Variants in BMP1 observed in about 807,000 individuals in gnomAD.
BMP1 encodes the protein bone morphogenetic protein 1.
In BMP1, 63 loss-of-function variants were observed where a neutral mutation model predicts 116.8. That is an observed-to-expected ratio of 0.54 (90% CI 0.44 to 0.67). The LOEUF (loss-of-function observed/expected upper bound fraction) is 0.67. Among genes scored for constraint, BMP1 ranks in the 30% least tolerant of loss-of-function variants. The probability of loss-of-function intolerance (pLI) is 0.00; values close to 1 mark genes in which losing one functional copy is unlikely to be tolerated. For synonymous variants in BMP1, 536 were observed against 533.4 expected, an observed-to-expected ratio of 1.00 and a Z score of -0.07; for missense variants, 1,183 against 1,358.9, an observed-to-expected ratio of 0.87 and a Z score of 2.04.
chr8:22,196,766 A>G lies in BMP1; in HGVS notation c.1852A>G (p.Ile618Val), dbSNP rs935362770. 5 of 1,613,774 alleles carry G rather than the reference A, an allele frequency of 3.1e-6. No homozygotes were observed. The African/African-American group carries it at 6.7e-5, about 22-fold the overall frequency. Residue 618 changes from isoleucine to valine, a missense_variant, in exon 14 of 20, where the codon ATC (isoleucine) becomes GTC (valine). Physicochemically the swap from Ile to Val is conservative, Grantham distance 29. Transcript: ENST00000306385. ...PKEYPPNKNC[I>V]WQLVAPTQYR... ...GGAGTACCCCCCCAACAAGAACTGC[A>G]TCTGGCAGCTGGTGGCCCCCACCCA...
In BMP1 at chr8:22,177,952, C is replaced by A. The variant is rs1828500771; in HGVS notation, c.831C>A (p.Phe277Leu). ...TCATGCATTACGCTCGGAACACATT[C>A]TCCAGGTGGGAGACGGGATTGGGGC... ...DSIMHYARNT[F>L]SRGIFLDTIV... The change falls in exon 6 of 20, where the codon TTC (phenylalanine) becomes TTA (leucine). Residue 277 changes from phenylalanine (F) to leucine (L), a missense_variant. Phe to Leu is a conservative substitution (Grantham distance 22). Transcript: ENST00000306385. The A allele has an allele frequency of 6.2e-7, 1 of 1,607,752 alleles. No individual in the cohort carries two copies. Among genetic ancestry groups the A allele is most frequent in the Non-Finnish European group, 8.5e-7 (1 of 1,175,156 alleles).
rs756220140 is a variant in BMP1 at position 22,165,480 on chromosome 8, G to T, written c.75G>T (p.Leu25Phe). Residue 25 changes from leucine to phenylalanine, a missense_variant, in exon 1 of 20, where the codon TTG (leucine) becomes TTT (phenylalanine). Leu to Phe is a conservative substitution (Grantham distance 22). This residue lies in a region of BMP1 where 185 missense variants were observed against 158.9 expected (regional missense o/e 1.16). Coordinates refer to ENST00000306385, the MANE Select transcript of BMP1 (RefSeq NM_006129.5). Reference protein sequence around the residue: ...LLPRPGRPLDLADYTYDLAEE... With the variant: ...LLPRPGRPLDFADYTYDLAEE... ...CGCGTCCCGGCCGGCCGCTGGACTT[G>T]GCCGACTACACCTATGACCTGGCGG... 3.8e-6 allele frequency: 6 copies of T among 1,588,180 alleles called. No homozygotes were observed. Among genetic ancestry groups the T allele is most frequent in the Non-Finnish European group, 5.1e-6 (6 of 1,170,164 alleles).
At chr8:22,206,706 A>G (rs918517059) in intron 16 of BMP1, 148 bp from the exon 17 acceptor site, 2 of 1,242,442 alleles carry the variant, frequency 1.6e-6, no homozygotes, top group Non-Finnish European at 2.2e-6. Context: ...CCTCATGAAA[A>G]AGAAACGATG....
chr8:22,165,399 C>T lies in BMP1; in HGVS notation c.-7C>T. On this transcript the variant is annotated 5_prime_UTR_variant, in exon 1 of 20. Coordinates refer to ENST00000306385, the MANE Select transcript of BMP1 (RefSeq NM_006129.5). ...TGCGCCGCTTCCCTCGCCGCCGCCC[C>T]GCCAGCATGCCCGGCGTGGCCCGCC... The T allele has an allele frequency of 6.8e-7, 1 of 1,470,166 alleles. No homozygotes were observed. Among genetic ancestry groups the T allele is most frequent in the Admixed American group, 3.0e-5 (1 of 33,892 alleles). 91.1% of individuals were successfully genotyped at this position (1,470,166 alleles called of 1,614,324 possible).
chr8:22,176,429 CT>C, intron 3 of BMP1, 103 bp from the exon 4 acceptor site: 1 of 1,551,696 alleles, frequency 6.4e-7, no homozygotes, highest in Non-Finnish European at 8.8e-7. Context: ...CCACACATTC[CT>C]TTCCAGGCAG....
At chr8:22,174,400 T>G (rs1001603658) in intron 2 of BMP1, among the ~76,000 whole-genome samples, 2 of 152,162 alleles carry the variant, frequency 1.3e-5, no homozygotes, top group Non-Finnish European at 2.9e-5. Context: ...TATCCTTGAT[T>G]GTGGTCCAAA....
chr8:22,188,341 A>T (rs762356709), intron 8 of BMP1, among the ~76,000 whole-genome samples: 2 of 151,920 alleles, frequency 1.3e-5, no homozygotes, highest in South Asian at 2.1e-4. Context: ...GCAAATTTTT[A>T]AATTTTTTTG....
intron 13 of BMP1, chr8:22,196,127 G>A: frequency 2.0e-6 from 1 of 502,202 alleles, no homozygotes; most frequent in Admixed American, 2.0e-5. Flanking sequence ...GTGTTTTCGG[G>A]TTTTTTTTGT....
At chr8:22,204,992 C>T (rs536246317) in intron 16 of BMP1, among the ~76,000 whole-genome samples, 11 of 152,228 alleles carry the variant, frequency 7.2e-5, no homozygotes, top group East Asian at 3.9e-4. Flanking sequence ...AGGGTTCCCA[C>T]GCGTGGGCAG....
intron 1 of BMP1, among the ~76,000 whole-genome samples, chr8:22,167,275 C>T (rs376466909): frequency 6.6e-6 from 1 of 152,244 alleles, no homozygotes; most frequent in East Asian, 1.9e-4. Flanking sequence ...CAAGCTAGGA[C>T]CCTGCCTTCA....
chr8:22,193,025 G>A (rs1828979591), intron 9 of BMP1, among the ~76,000 whole-genome samples: 1 of 152,192 alleles, frequency 6.6e-6, no homozygotes, highest in African/African-American at 2.4e-5. Context: ...TCGTAGACGT[G>A]TTAGTGTTTT....
intron 1 of BMP1, chr8:22,171,192 T>TG (rs1243868934): frequency 1.3e-5 from 2 of 152,226 alleles, no homozygotes; most frequent in African/African-American, 4.8e-5. Flanking sequence ...GGAAGAGATT[T>TG]GGGGTCACTT....
At position 22,190,096 on chromosome 8, in the gene BMP1, T is replaced by C. The variant is rs192711750; in HGVS notation, c.1078-1953T>C. ...CCATCACACCTGGCTAATTTTTTTT[T>C]GTATTTTTAGTAGAGATGAGGTTTC... On this transcript the variant is annotated intron_variant, in intron 8 of 19. Coordinates refer to ENST00000306385, the MANE Select transcript of BMP1 (RefSeq NM_006129.5). Among the ~76,000 whole-genome samples the C allele has an allele frequency of 3.3e-5, 5 of 152,164 alleles. No individual in the cohort carries two copies. The East Asian group carries it at 7.7e-4, about 24-fold the overall frequency.
chr8:22,212,008 G>C lies in BMP1; in HGVS notation c.*280G>C, dbSNP rs1335451868. ...TTCCTCTCTTAGGGGGCCCTGCCTG[G>C]TGGCAAGAGGGAATGTCAGCAGGAC... On this transcript the variant is annotated 3_prime_UTR_variant, in exon 20 of 20. Coordinates refer to ENST00000306385, the MANE Select transcript of BMP1 (RefSeq NM_006129.5). 2 of 479,626 alleles carry C rather than the reference G, an allele frequency of 4.2e-6. No homozygotes were observed. The highest frequency in any genetic ancestry group is 3.9e-5 in the African/African-American group (2 of 51,704). The allele number at this position is 479,626 out of a possible 1,614,324, so 29.7% of individuals were successfully genotyped here.
intron 1 of BMP1, among the ~76,000 whole-genome samples, chr8:22,168,656 T>C (rs573161592): frequency 1.3e-5 from 2 of 152,240 alleles, no homozygotes; most frequent in African/African-American, 2.4e-5. Context: ...CAGAGAGCCA[T>C]AGAGGATTAG....
At chr8:22,203,301 A>T (rs1217525122) in intron 16 of BMP1, among the ~76,000 whole-genome samples, 5 of 152,206 alleles carry the variant, frequency 3.3e-5, no homozygotes, top group African/African-American at 7.2e-5. Flanking sequence ...CACGCCTGTA[A>T]TCCCAGTACT....
At chr8:22,177,807 C>A in intron 5 of BMP1, 45 bp from the exon 6 acceptor site, 1 of 1,429,524 alleles carries the variant, frequency 7.0e-7, no homozygotes, top group Non-Finnish European at 9.8e-7. Flanking sequence ...CCCAGGCAGA[C>A]CCACCCCCTC....
At chr8:22,195,804 GC>G (rs1465357584) in intron 13 of BMP1, among the ~76,000 whole-genome samples, 2 of 152,034 alleles carry the variant, frequency 1.3e-5, no homozygotes, top group African/African-American at 4.8e-5. Context: ...ACATCACCTT[GC>G]CTGGCTAATT....
chr8:22,191,236 T>C (rs1828922692), intron 8 of BMP1, among the ~76,000 whole-genome samples: 1 of 152,148 alleles, frequency 6.6e-6, no homozygotes, highest in Non-Finnish European at 1.5e-5. Flanking sequence ...TAGCAGAGGC[T>C]CAGAGGTTGC....
Sources: allele counts gnomAD v4.1 joint callset (sites outside exome capture counted in the v4.1 genomes callset), GRCh38; gene constraint gnomAD v4.1.1; regional missense constraint gnomAD v4.1.1; transcripts MANE v1.5; gene names NCBI Gene and HGNC (gene_info 2026-07-23, HGNC 2026-07-21).